Variants in PCDHAC2 observed in about 807,000 individuals in gnomAD.
PCDHAC2 encodes the protein protocadherin alpha-C2.
PCDHAC2 carries 24 observed loss-of-function variants against 63.3 expected under a neutral mutation model. The ratio of observed to expected loss-of-function variants is 0.38; its 90% CI spans 0.27 to 0.53. The LOEUF (loss-of-function observed/expected upper bound fraction) is 0.53, where lower values mean the gene tolerates loss of function less well. PCDHAC2 is among the 20% of genes least tolerant of loss of function. The pLI is 0.81. For synonymous variants in PCDHAC2, 569 were observed against 529.4 expected, an observed-to-expected ratio of 1.07 and a Z score of -1.03; for missense variants, 1,181 against 1,275.2, an observed-to-expected ratio of 0.93 and a Z score of 1.12.
At position 140,969,169 on chromosome 5, in the gene PCDHAC2, A is replaced by G. The variant is rs201735192; in HGVS notation, c.2403A>G (p.Ser801=). 2.0e-5 allele frequency: 33 copies of G among 1,614,094 alleles called. No homozygotes were observed. In the Admixed American group the frequency reaches 5.5e-4, roughly 27 times the overall value. The change falls in exon 1 of 4, where the codon TCA becomes TCG. Residue 801 remains serine (S), a synonymous_variant. Transcript: ENST00000289269. The stretch of plus-strand genomic sequence containing the variant: ...ACAAGGCCTGTCTGACAGCAGGCTC[A>G]GGGAGTGACACTTTCATGTTTTACA... ...YCYKACLTAG[S]GSDTFMFYNT...
At chr5:140,976,286 C>G (rs1554237455) in intron 1 of PCDHAC2, among the ~76,000 whole-genome samples, 2 of 152,098 alleles carry the variant, frequency 1.3e-5, no homozygotes, top group African/African-American at 2.4e-5. Flanking sequence ...CACAGTGGCT[C>G]AAGCCTGTAA....
chr5:140,975,861 T>G (rs782026072), intron 1 of PCDHAC2, among the ~76,000 whole-genome samples: 8 of 152,192 alleles, frequency 5.3e-5, no homozygotes, highest in Non-Finnish European at 8.8e-5. Flanking sequence ...ATCACCCATA[T>G]GGACTACCTA....
intron 1 of PCDHAC2, among the ~76,000 whole-genome samples, chr5:140,973,039 C>T (rs782146596): frequency 1.3e-5 from 2 of 152,040 alleles, no homozygotes; most frequent in Non-Finnish European, 2.9e-5. Flanking sequence ...ACTTTGAGTA[C>T]TCTAGTAGAT....
In PCDHAC2 at chr5:141,011,189, A is replaced by G. The variant is rs573647175; in HGVS notation, c.*1252A>G. On this transcript the variant is annotated 3_prime_UTR_variant, in exon 4 of 4. Coordinates refer to ENST00000289269, the MANE Select transcript of PCDHAC2 (RefSeq NM_018899.6). ...CAAGACCCAAAAATTGAAGAAAAAT[A>G]TTGTTTTCTCATACAGTGAGCAGAT... 1.3e-5 allele frequency: 2 copies of G among 153,810 alleles called. No homozygotes were observed. Among genetic ancestry groups the G allele is most frequent in the African/African-American group, 4.8e-5 (2 of 41,570 alleles). 9.5% of individuals were successfully genotyped at this position (153,810 alleles called of 1,614,324 possible).
Position 140,969,235 on chromosome 5 carries a change from A to G in PCDHAC2, c.2469A>G (p.Gln823=), listed in dbSNP as rs781795606. ...AQTGPGPSGA[Q]AAVTDSRNLT... ...CAGGACCAGGGCCTTCGGGAGCCCAAGCAGCAGTGACTGACAGCAGGAATC... is the reference window on the plus strand; with the variant it reads ...CAGGACCAGGGCCTTCGGGAGCCCAGGCAGCAGTGACTGACAGCAGGAATC... The change falls in exon 1 of 4, where the codon CAA becomes CAG. Residue 823 remains glutamine (Q), a synonymous_variant. Transcript: ENST00000289269. The G allele has an allele frequency of 1.2e-6, 2 of 1,614,206 alleles. No homozygotes were observed. Among genetic ancestry groups the G allele is most frequent in the Non-Finnish European group, 1.7e-6 (2 of 1,180,044 alleles).
intron 3 of PCDHAC2, among the ~76,000 whole-genome samples, chr5:141,004,848 CAG>C (rs1554259777): frequency 6.6e-6 from 1 of 152,190 alleles, no homozygotes; most frequent in Non-Finnish European, 1.5e-5. Context: ...TCATTAGTCT[CAG>C]AGAAAAAATT....
intron 3 of PCDHAC2, among the ~76,000 whole-genome samples, chr5:140,988,287 C>A (rs2097291303): frequency 6.6e-6 from 1 of 152,240 alleles, no homozygotes; most frequent in Non-Finnish European, 1.5e-5. Context: ...TGCCATCTGA[C>A]AGCCCAGGAG....
At chr5:140,985,607 C>T (rs1554247195) in intron 3 of PCDHAC2, among the ~76,000 whole-genome samples, 1 of 152,156 alleles carries the variant, frequency 6.6e-6, no homozygotes, top group Non-Finnish European at 1.5e-5. Flanking sequence ...GAGCCCTTTC[C>T]GTGAACCAGC....
chr5:140,972,399 T>C (rs1554234105), intron 1 of PCDHAC2, among the ~76,000 whole-genome samples: 2 of 152,062 alleles, frequency 1.3e-5, no homozygotes, highest in South Asian at 2.1e-4. Context: ...TGCTTCACTA[T>C]TGGCAAACCC....
chr5:140,978,887 A>T, intron 1 of PCDHAC2, 62 bp from the exon 2 acceptor site: 1 of 1,611,648 alleles, frequency 6.2e-7, no homozygotes, highest in Non-Finnish European at 8.5e-7. Context: ...ATCAATTAGC[A>T]GCATTCCTGG....
At chr5:140,970,693 G>C (rs2096425356) in intron 1 of PCDHAC2, among the ~76,000 whole-genome samples, 1 of 152,134 alleles carries the variant, frequency 6.6e-6, no homozygotes, top group South Asian at 2.1e-4. Flanking sequence ...AGGGCTTTTA[G>C]AGCTACTACA....
chr5:140,984,599 C>T (rs1415361733), intron 3 of PCDHAC2, among the ~76,000 whole-genome samples: 1 of 152,162 alleles, frequency 6.6e-6, no homozygotes, highest in Non-Finnish European at 1.5e-5. Context: ...TCAATACATA[C>T]CTCTGCATCA....
rs1305533270 is a variant in PCDHAC2, at chr5:141,000,401, A to C, written c.2714-9226A>C. Among the ~76,000 whole-genome samples the C allele has an allele frequency of 8.1e-3, 613 of 75,996 alleles. 4 individuals are homozygous for C. The highest frequency in any genetic ancestry group is 0.017 in the East Asian group (44 of 2,548). The allele number at this position is 75,996 out of a possible 152,430, so 49.9% of individuals were successfully genotyped here. A position where few individuals can be genotyped will look rare whatever the true frequency, so the allele number is the denominator to read the frequency against. On this transcript the variant is annotated intron_variant, in intron 3 of 3. Transcript: ENST00000289269. Reference sequence around the variant, plus strand: ...TCTCTCTCTCTCTCTCTCTCTATATATATATATATATATATATATATTTTT... The same window carrying C: ...TCTCTCTCTCTCTCTCTCTCTATATCTATATATATATATATATATATTTTT...
intron 1 of PCDHAC2, among the ~76,000 whole-genome samples, chr5:140,970,875 AT>A (rs1213440334): frequency 6.6e-6 from 1 of 152,100 alleles, no homozygotes; most frequent in African/African-American, 2.4e-5. Flanking sequence ...TTGAGAGTAG[AT>A]TTTTCTCATG....
intron 3 of PCDHAC2, among the ~76,000 whole-genome samples, chr5:140,999,423 C>G (rs1159862736): frequency 6.6e-6 from 1 of 152,100 alleles, no homozygotes; most frequent in Non-Finnish European, 1.5e-5. Context: ...AGCTAAGAGG[C>G]CAAGTACCTT....
chr5:140,987,336 A>G (rs2097249605), intron 3 of PCDHAC2, among the ~76,000 whole-genome samples: 1 of 152,200 alleles, frequency 6.6e-6, no homozygotes, highest in Admixed American at 6.5e-5. Context: ...GAACTGGTCT[A>G]AGGTAAATAT....
At chr5:140,973,207 A>C (rs1335984656) in intron 1 of PCDHAC2, among the ~76,000 whole-genome samples, 1 of 152,100 alleles carries the variant, frequency 6.6e-6, no homozygotes, top group Non-Finnish European at 1.5e-5. Flanking sequence ...GTGCATATTC[A>C]CCCTAATTCC....
chr5:140,990,280 G>C (rs1224210562), intron 3 of PCDHAC2, among the ~76,000 whole-genome samples: 1 of 152,264 alleles, frequency 6.6e-6, no homozygotes, highest in African/African-American at 2.4e-5. Context: ...CCCGGGTCTT[G>C]AGATTATCGA....
intron 3 of PCDHAC2, among the ~76,000 whole-genome samples, chr5:140,987,196 AGAGT>A (rs2097234784): frequency 6.6e-6 from 1 of 151,568 alleles, no homozygotes; most frequent in Non-Finnish European, 1.5e-5. Flanking sequence ...CCTGGGTGAC[AGAGT>A]GAGACTCCAT....
Sources: allele counts gnomAD v4.1 joint callset (sites outside exome capture counted in the v4.1 genomes callset), GRCh38; gene constraint gnomAD v4.1.1; transcripts MANE v1.5; gene names NCBI Gene and HGNC (gene_info 2026-07-23, HGNC 2026-07-21).